C10orf105: variants seen among roughly 807,000 people sequenced by gnomAD.
C10orf105 encodes the protein uncharacterized protein C10orf105.
Under a neutral mutation model 0.6 loss-of-function variants are expected in C10orf105, and 2 were observed. The ratio of observed to expected loss-of-function variants is 3.18; its 90% CI spans 1.30 to 10.01. C10orf105 has a LOEUF of 10.01. Among genes scored for constraint, C10orf105 ranks in the 30% most tolerant of loss-of-function variants. The pLI is 0.04. For synonymous variants in C10orf105, 95 were observed against 82.4 expected, an observed-to-expected ratio of 1.15 and a Z score of -0.83; for missense variants, 209 against 191.4, an observed-to-expected ratio of 1.09 and a Z score of -0.54.
At chr10:71,736,536 T>A (rs1282548564) in intron 1 of C10orf105, among the ~76,000 whole-genome samples, 1 of 152,116 alleles carries the variant, frequency 6.6e-6, no homozygotes, top group African/African-American at 2.4e-5. Context: ...GGGAGGGCAA[T>A]GTGGATTGTG....
rs2132760515 is a variant in C10orf105, at chr10:71,712,768, G to A, written c.*3168C>T. Reference sequence around the variant, plus strand: ...CCATCTTTCTGCAGAGCAGCTATGAGGCCAGCGTCCCTGAGGACATCCCTG... The same window carrying A: ...CCATCTTTCTGCAGAGCAGCTATGAAGCCAGCGTCCCTGAGGACATCCCTG... On this transcript the variant is annotated 3_prime_UTR_variant, in exon 2 of 2. Coordinates refer to ENST00000441508, the MANE Select transcript of C10orf105 (RefSeq NM_001164375.3). 1.9e-6 allele frequency: 3 copies of A among 1,613,328 alleles called. No individual in the cohort carries two copies. Among genetic ancestry groups the A allele is most frequent in the Non-Finnish European group, 2.5e-6 (3 of 1,179,746 alleles).
intron 1 of C10orf105, among the ~76,000 whole-genome samples, chr10:71,718,895 C>T (rs1866418352): frequency 6.6e-6 from 1 of 150,676 alleles, no homozygotes; most frequent in Admixed American, 6.6e-5. Flanking sequence ...AGTGAGTCTT[C>T]ATTTCTGAAA....
chr10:71,734,243 G>T, intron 1 of C10orf105: 3 of 1,609,054 alleles, frequency 1.9e-6, no homozygotes, highest in Non-Finnish European at 2.5e-6. Flanking sequence ...CCTGCAGGGT[G>T]TGATCACAGT....
intron 1 of C10orf105, chr10:71,725,601 C>CCCT: frequency 6.7e-7 from 1 of 1,483,350 alleles, no homozygotes; most frequent in Non-Finnish European, 9.1e-7. Context: ...CATTAGTTGG[C>CCCT]GCCTGGTGTG....
chr10:71,734,691 C>A (rs1272830782), intron 1 of C10orf105: 1 of 1,354,530 alleles, frequency 7.4e-7, no homozygotes. Flanking sequence ...TTCCCCTGTG[C>A]TGTTGGCTGT....
In C10orf105 at chr10:71,712,643, T is replaced by C; in HGVS notation, c.*3293A>G. 6.2e-7 allele frequency: 1 copy of C among 1,612,026 alleles called. No homozygotes were observed. Among genetic ancestry groups the C allele is most frequent in the Non-Finnish European group, 8.5e-7 (1 of 1,178,790 alleles). On this transcript the variant is annotated 3_prime_UTR_variant, in exon 2 of 2. Coordinates refer to ENST00000441508, the MANE Select transcript of C10orf105 (RefSeq NM_001164375.3). The stretch of plus-strand genomic sequence containing the variant: ...CCTCTCTCAGGCAGCTGCTAACACC[T>C]GTCTTCCTTCAACTCCCACAGACAA...
At chr10:71,732,335 G>T (rs2132826166) in intron 1 of C10orf105, 1 of 1,586,458 alleles carries the variant, frequency 6.3e-7, no homozygotes, top group Non-Finnish European at 8.6e-7. Flanking sequence ...GCCTACACCA[G>T]CACCCAGGCC....
intron 1 of C10orf105, among the ~76,000 whole-genome samples, chr10:71,736,987 G>C (rs1839584388): frequency 6.6e-6 from 1 of 152,146 alleles, no homozygotes; most frequent in African/African-American, 2.4e-5. Context: ...CAGAGGGAAC[G>C]GCAAGCACAA....
intron 1 of C10orf105, chr10:71,730,414 G>A: frequency 6.3e-7 from 1 of 1,594,600 alleles, no homozygotes; most frequent in East Asian, 2.2e-5. Context: ...CCAAGCCCTG[G>A]GCTTCCCAGC....
chr10:71,713,709 G>A lies in C10orf105; in HGVS notation c.*2227C>T. 5.5e-6 allele frequency: 1 copy of A among 181,198 alleles called. No individual in the cohort carries two copies. The highest frequency in any genetic ancestry group is 1.2e-5 in the Non-Finnish European group (1 of 84,906). The allele number at this position is 181,198 out of a possible 1,614,324, so 11.2% of individuals were successfully genotyped here. A position where few individuals can be genotyped will look rare whatever the true frequency, so the allele number is the denominator to read the frequency against. ...GTGAGGACTTGGAGCATACCCCCCTGGCCTGGTGCCTGAAACCCAATTGAG... is the reference window on the plus strand; with the variant it reads ...GTGAGGACTTGGAGCATACCCCCCTAGCCTGGTGCCTGAAACCCAATTGAG... On this transcript the variant is annotated 3_prime_UTR_variant, in exon 2 of 2. Coordinates refer to ENST00000441508, the MANE Select transcript of C10orf105 (RefSeq NM_001164375.3).
intron 1 of C10orf105, among the ~76,000 whole-genome samples, chr10:71,730,097 GTGC>G (rs373787157): frequency 1.8e-4 from 28 of 152,222 alleles, no homozygotes; most frequent in African/African-American, 6.3e-4. Context: ...GCCTCCCAAA[GTGC>G]TGCTGGGATT....
At chr10:71,720,636 G>GC (rs1241599666), upstream of C10orf105, among the ~76,000 whole-genome samples, 7 of 152,156 alleles carry the variant, frequency 4.6e-5, no homozygotes, top group African/African-American at 1.7e-4. Flanking sequence ...CTTTTTTGGA[G>GC]CCCCAGTTTC....
At position 71,716,236 on chromosome 10, in the gene C10orf105, G is replaced by C; in HGVS notation, c.102C>G (p.Asp34Glu). The C allele has an allele frequency of 6.5e-7, 1 of 1,550,368 alleles. No homozygotes were observed. The highest frequency in any genetic ancestry group is 8.7e-7 in the Non-Finnish European group (1 of 1,146,406). The change falls in exon 2 of 2, where the codon GAC becomes GAG. Residue 34 changes from aspartate (D) to glutamate (E), a missense_variant. Asp to Glu is a conservative substitution (Grantham distance 45, BLOSUM62 2). Transcript: ENST00000441508. The part of the protein sequence containing the change: ...VTPGTLAEAT[D>E]PLPMLIALAC... Reference sequence around the variant, plus strand: ...CCAGGGCGATGAGCATGGGGAGGGGGTCAGTTGCCTCTGCAAGGGTCCCGG... The same window carrying C: ...CCAGGGCGATGAGCATGGGGAGGGGCTCAGTTGCCTCTGCAAGGGTCCCGG...
intron 1 of C10orf105, among the ~76,000 whole-genome samples, chr10:71,736,925 G>A (rs1437773567): frequency 6.6e-6 from 1 of 152,194 alleles, no homozygotes; most frequent in East Asian, 1.9e-4. Context: ...CAAGCTGAGA[G>A]CGTCAGAATG....
At chr10:71,725,286 A>G (rs1295533695) in intron 1 of C10orf105, 4 of 1,589,616 alleles carry the variant, frequency 2.5e-6, no homozygotes, top group Admixed American at 1.7e-5. Flanking sequence ...GGACTGGTGA[A>G]CTTCTGCCCC....
At chr10:71,732,677 A>G in intron 1 of C10orf105, 1 of 1,350,082 alleles carries the variant, frequency 7.4e-7, no homozygotes, top group Non-Finnish European at 9.5e-7. Flanking sequence ...TATCCCTGTA[A>G]CACATCCATT....
chr10:71,727,392 C>A (rs1179944493), intron 1 of C10orf105, among the ~76,000 whole-genome samples: 2 of 152,228 alleles, frequency 1.3e-5, no homozygotes, highest in African/African-American at 4.8e-5. Context: ...GAGGGCTGGC[C>A]CCTGGGGCAG....
chr10:71,720,391 G>T (rs528689556), upstream of C10orf105, among the ~76,000 whole-genome samples: 4 of 151,270 alleles, frequency 2.6e-5, no homozygotes, highest in East Asian at 7.8e-4. Flanking sequence ...GGTGGGCCAC[G>T]GGAGACCTCC....
chr10:71,715,700 A>G lies in C10orf105; in HGVS notation c.*236T>C, dbSNP rs962248311. On this transcript the variant is annotated 3_prime_UTR_variant, in exon 2 of 2. Coordinates refer to ENST00000441508, the MANE Select transcript of C10orf105 (RefSeq NM_001164375.3). ...GATGACCACGAGTGCACATCTCTTG[A>G]CCAGAAGTCTTTCATCAAGCAGCAG... The G allele has an allele frequency of 2.2e-5, 9 of 400,766 alleles. No homozygotes were observed. Among genetic ancestry groups the G allele is most frequent in the Admixed American group, 4.1e-5 (1 of 24,312 alleles). The allele number at this position is 400,766 out of a possible 1,614,324, so 24.8% of individuals were successfully genotyped here.
Sources: allele counts gnomAD v4.1 joint callset (sites outside exome capture counted in the v4.1 genomes callset), GRCh38; gene constraint gnomAD v4.1.1; transcripts MANE v1.5; gene names NCBI Gene and HGNC (gene_info 2026-07-23, HGNC 2026-07-21).